The following TMCO4 variants were observed in gnomAD, a reference collection of about 807,000 sequenced individuals.
TMCO4 encodes transmembrane and coiled-coil domains 4, also known as transmembrane and coiled-coil domain-containing protein 4.
TMCO4 carries 58 observed loss-of-function variants against 64.7 expected under a neutral mutation model. That is an observed-to-expected ratio of 0.90 (90% CI 0.73 to 1.12). TMCO4 has a LOEUF of 1.12. Ranked by LOEUF, TMCO4 falls within the 50% of genes most tolerant of loss-of-function variation. The pLI is 0.00. For missense variants in TMCO4, 780 were observed against 825.9 expected (o/e 0.94, Z 0.68); for synonymous variants, 325 against 346.1 (o/e 0.94, Z 0.68).
At chr1:19,700,477 C>T (rs1360990979) in intron 14 of TMCO4, among the ~76,000 whole-genome samples, 1 of 152,186 alleles carries the variant, frequency 6.6e-6, no homozygotes, top group Non-Finnish European at 1.5e-5. Flanking sequence ...CCCCCAGCTC[C>T]AACCAGGCCA....
intron 15 of TMCO4, among the ~76,000 whole-genome samples, chr1:19,689,091 C>T (rs2095171862): frequency 6.6e-6 from 1 of 152,174 alleles, no homozygotes; most frequent in Admixed American, 6.5e-5. Context: ...GCGTGGTTGG[C>T]CCAGCAGGGA....
At position 19,732,137 on chromosome 1, in the gene TMCO4, C is replaced by T. The variant is rs139440336; in HGVS notation, c.1264+5235G>A. Among the ~76,000 whole-genome samples the T allele has an allele frequency of 3.9e-4, 59 of 152,242 alleles. No individual in the cohort carries two copies. The highest frequency in any genetic ancestry group is 1.3e-3 in the African/African-American group (54 of 41,540). ...CTACATGTCTGTGAATGTGCGCACA[C>T]CTGCTGCTCACATTTGGAATAAGCT... On this transcript the variant is annotated intron_variant, in intron 13 of 15. Coordinates refer to ENST00000294543, the MANE Select transcript of TMCO4 (RefSeq NM_181719.7). This position sits in a 1 kb window ranked among gnomAD's most constrained non-coding sequence, Gnocchi z 4.8.
At chr1:19,783,190 T>C (rs2043573951) in intron 3 of TMCO4, among the ~76,000 whole-genome samples, 1 of 152,218 alleles carries the variant, frequency 6.6e-6, no homozygotes, top group Admixed American at 6.5e-5. Context: ...TAACATGCAT[T>C]GTCTCAGCAG....
At chr1:19,791,786 TCC>T (rs1184603648) in intron 2 of TMCO4, among the ~76,000 whole-genome samples, 1 of 152,134 alleles carries the variant, frequency 6.6e-6, no homozygotes, top group East Asian at 1.9e-4. Context: ...AAGGAGGAGC[TCC>T]CAGCTCCCGG....
chr1:19,717,697 T>G (rs1048940536), intron 13 of TMCO4, among the ~76,000 whole-genome samples: 10 of 152,086 alleles, frequency 6.6e-5, no homozygotes, highest in African/African-American at 2.4e-4. Context: ...CTCTCGAGGC[T>G]TACCTGTCCT....
At chr1:19,772,942 C>A (rs573837171) in intron 4 of TMCO4, among the ~76,000 whole-genome samples, 2 of 152,190 alleles carry the variant, frequency 1.3e-5, no homozygotes, top group African/African-American at 4.8e-5. Context: ...GTAATCCCAA[C>A]GCTTTGAGAA....
Position 19,732,572 on chromosome 1 carries a change from G to A in TMCO4, c.1264+4800C>T, listed in dbSNP as rs2095434572. ...GGATGGGATGTTATGAAATAAGGAG[G>A]GAAACTATCAGGCTGATTAATAACA... On this transcript the variant is annotated intron_variant, in intron 13 of 15. Coordinates refer to ENST00000294543, the MANE Select transcript of TMCO4 (RefSeq NM_181719.7). This position sits in a 1 kb window ranked among gnomAD's most constrained non-coding sequence, Gnocchi z 4.8. Among the ~76,000 whole-genome samples, 1 of 152,242 alleles carries A rather than the reference G, an allele frequency of 6.6e-6. No homozygotes were observed. The highest frequency in any genetic ancestry group is 2.4e-5 in the African/African-American group (1 of 41,544).
At chr1:19,688,400 C>T (rs1008790312) in intron 15 of TMCO4, among the ~76,000 whole-genome samples, 1 of 152,160 alleles carries the variant, frequency 6.6e-6, no homozygotes, top group African/African-American at 2.4e-5. Context: ...CTTACCCAAA[C>T]AGAGGCTGCC....
intron 3 of TMCO4, among the ~76,000 whole-genome samples, chr1:19,785,025 T>C (rs891942608): frequency 2.6e-5 from 4 of 152,134 alleles, no homozygotes; most frequent in African/African-American, 9.7e-5. Context: ...CTGAACTCCA[T>C]CTCATGTCCC....
intron 15 of TMCO4, among the ~76,000 whole-genome samples, chr1:19,686,023 G>A (rs545469413): frequency 3.3e-5 from 5 of 152,084 alleles, no homozygotes; most frequent in African/African-American, 7.2e-5. Context: ...CACTGCGCCC[G>A]GCCATCCAGG....
chr1:19,697,773 A>ATTTTTTTTTTTTTTTTTTTTGTTT (rs55842212), intron 14 of TMCO4, among the ~76,000 whole-genome samples: 1 of 125,622 alleles, frequency 8.0e-6, no homozygotes, highest in Non-Finnish European at 1.7e-5. Context: ...TAATTTTTGT[A>ATTTTTTTTTTTTTTTTTTTTGTTT]TTTTTTTTTT....
chr1:19,699,837 CAT>C (rs1477598301), intron 14 of TMCO4, among the ~76,000 whole-genome samples: 1 of 152,200 alleles, frequency 6.6e-6, no homozygotes, highest in Non-Finnish European at 1.5e-5. Context: ...CATGGACAAT[CAT>C]GTGCACGAGC....
At chr1:19,754,509 C>T (rs910425960) in intron 7 of TMCO4, among the ~76,000 whole-genome samples, 3 of 152,112 alleles carry the variant, frequency 2.0e-5, no homozygotes, top group African/African-American at 7.2e-5. Flanking sequence ...CTCAATTTGG[C>T]TTTAGGATTA....
At position 19,781,642 on chromosome 1, in the gene TMCO4, T is replaced by C. The variant is rs1221162933; in HGVS notation, c.-8-876A>G. On this transcript the variant is annotated intron_variant, in intron 3 of 15. Transcript: ENST00000294543. ...AGGATGAAGAGCAAACAGAACTTTCTTTTTTTTTTTTTTTTTTCTTTTGAG... is the reference window on the plus strand; with the variant it reads ...AGGATGAAGAGCAAACAGAACTTTCCTTTTTTTTTTTTTTTTTCTTTTGAG... 3.6e-5 allele frequency among the ~76,000 whole-genome samples: 3 copies of C among 84,102 alleles called. No homozygotes were observed. The East Asian group carries it at 1.7e-3, about 48-fold the overall frequency. The allele number at this position is 84,102 out of a possible 152,430, so 55.2% of individuals were successfully genotyped here. A position where few individuals can be genotyped will look rare whatever the true frequency, so the allele number is the denominator to read the frequency against.
chr1:19,793,656 C>T (rs550960551), intron 2 of TMCO4, among the ~76,000 whole-genome samples: 6 of 152,242 alleles, frequency 3.9e-5, no homozygotes, highest in Non-Finnish European at 5.9e-5. Flanking sequence ...ACACTGCAGA[C>T]GAGAAGAAAA....
chr1:19,798,242 G>C (rs2044430711), intron 1 of TMCO4, 27 bp from the exon 2 acceptor site: 1 of 152,620 alleles, frequency 6.6e-6, no homozygotes, highest in African/African-American at 2.4e-5. Context: ...CAGGCCAAAA[G>C]AGAACACAAT....
At chr1:19,765,684 G>T (rs1229556600) in intron 6 of TMCO4, among the ~76,000 whole-genome samples, 1 of 151,998 alleles carries the variant, frequency 6.6e-6, no homozygotes, top group African/African-American at 2.4e-5. Flanking sequence ...AAAGCGCTTC[G>T]TGGGTTGCTA....
chr1:19,702,009 G>A (rs1005248181), intron 13 of TMCO4, among the ~76,000 whole-genome samples: 22 of 152,194 alleles, frequency 1.4e-4, no homozygotes, highest in Non-Finnish European at 2.6e-4. Context: ...TCGCTCTGTA[G>A]CCCAGGCTGG....
At chr1:19,748,895 G>A (rs2041910798) in intron 7 of TMCO4, among the ~76,000 whole-genome samples, 1 of 152,160 alleles carries the variant, frequency 6.6e-6, no homozygotes, top group African/African-American at 2.4e-5. Context: ...GATTTCAGTT[G>A]GGCATCTGGG....
Sources: allele counts gnomAD v4.1 joint callset (sites outside exome capture counted in the v4.1 genomes callset), GRCh38; gene constraint gnomAD v4.1.1; non-coding constraint Gnocchi (gnomAD v3.1); transcripts MANE v1.5; gene names NCBI Gene and HGNC (gene_info 2026-07-23, HGNC 2026-07-21).